PLXNA2: variants seen among roughly 807,000 people sequenced by gnomAD.
PLXNA2 encodes the protein plexin A2, also known as plexin-A2.
In PLXNA2, 91 loss-of-function variants were observed where a neutral mutation model predicts 193.5. That is an observed-to-expected ratio of 0.47 (90% CI 0.40 to 0.56). PLXNA2 has a LOEUF of 0.56. Among genes scored for constraint, PLXNA2 ranks in the 20% least tolerant of loss-of-function variants. The probability of loss-of-function intolerance (pLI) is 0.00; values close to 1 mark genes in which losing one functional copy is unlikely to be tolerated. For synonymous variants in PLXNA2, 997 were observed against 1,027.3 expected (o/e 0.97, Z 0.56); for missense variants, 1,995 against 2,503.2 (o/e 0.80, Z 4.33).
intron 4 of PLXNA2, among the ~76,000 whole-genome samples, chr1:208,113,183 T>G (rs879755027): frequency 6.6e-6 from 1 of 152,150 alleles, no homozygotes; most frequent in Non-Finnish European, 1.5e-5. Context: ...TGCCTGGGAT[T>G]AGCCAGGTCC....
intron 4 of PLXNA2, among the ~76,000 whole-genome samples, chr1:208,121,034 C>T (rs904691363): frequency 6.6e-6 from 1 of 152,148 alleles, no homozygotes; most frequent in Non-Finnish European, 1.5e-5. Flanking sequence ...TCCTTTGTTA[C>T]TCATTCCTTA....
At chr1:208,088,673 T>TA (rs1378009741) in intron 9 of PLXNA2, among the ~76,000 whole-genome samples, 1 of 152,246 alleles carries the variant, frequency 6.6e-6, no homozygotes, top group African/African-American at 2.4e-5. Flanking sequence ...CTCATTACCT[T>TA]AAGAGAGCTT....
chr1:208,229,843 AG>A (rs1260171826), intron 1 of PLXNA2, among the ~76,000 whole-genome samples: 6 of 152,234 alleles, frequency 3.9e-5, no homozygotes, highest in African/African-American at 1.4e-4. Flanking sequence ...GAGTGGGGTG[AG>A]GGAAGTCCCC....
At chr1:208,068,209 TTC>T (rs1225053762) in intron 12 of PLXNA2, among the ~76,000 whole-genome samples, 1 of 152,190 alleles carries the variant, frequency 6.6e-6, no homozygotes, top group Non-Finnish European at 1.5e-5. Flanking sequence ...ATATCCCCAA[TTC>T]TCTGTTAAAA....
intron 3 of PLXNA2, among the ~76,000 whole-genome samples, chr1:208,187,121 T>G (rs530434972): frequency 3.3e-5 from 5 of 152,304 alleles, no homozygotes; most frequent in Admixed American, 3.3e-4. Flanking sequence ...TGAACCAGAA[T>G]TACATGCAGC....
Position 208,035,019 on chromosome 1 carries a change from T to C in PLXNA2, c.4765-427A>G, listed in dbSNP as rs145813689. 2.0e-4 allele frequency among the ~76,000 whole-genome samples: 31 copies of C among 152,358 alleles called. No homozygotes were observed. In the East Asian group the frequency reaches 4.4e-3, roughly 22 times the overall value. On this transcript the variant is annotated intron_variant, in intron 26 of 31. Coordinates refer to ENST00000367033, the MANE Select transcript of PLXNA2 (RefSeq NM_025179.4). ...AATATGTAACATTAATTGATCTTTT[T>C]ATTTTTACCTTTTTAATGTGACTAA...
In PLXNA2 at chr1:208,054,555, C is replaced by A; in HGVS notation, c.2739-17G>T. On this transcript the variant is annotated splice_polypyrimidine_tract_variant and intron_variant, in intron 13 of 31. Coordinates refer to ENST00000367033, the MANE Select transcript of PLXNA2 (RefSeq NM_025179.4). ...CAGACAATCCTGGGGAGAAAGCAAA[C>A]CTTCTGGTGAGGGACTGGGCAAGGG... The A allele has an allele frequency of 6.3e-7, 1 of 1,584,834 alleles. No individual in the cohort carries two copies. Among genetic ancestry groups the A allele is most frequent in the African/African-American group, 1.3e-5 (1 of 74,494 alleles).
At chr1:208,073,960 T>C (rs1221944889) in intron 12 of PLXNA2, among the ~76,000 whole-genome samples, 1 of 152,190 alleles carries the variant, frequency 6.6e-6, no homozygotes, top group Non-Finnish European at 1.5e-5. Context: ...GCTGACACCT[T>C]GATCTTGAAG....
Position 208,082,075 on chromosome 1 carries a change from G to A in PLXNA2, c.2395+337C>T, listed in dbSNP as rs1480191343. Among the ~76,000 whole-genome samples, 1 of 152,164 alleles carries A rather than the reference G, an allele frequency of 6.6e-6. No homozygotes were observed. Among genetic ancestry groups the A allele is most frequent in the Non-Finnish European group, 1.5e-5 (1 of 68,038 alleles). On this transcript the variant is annotated intron_variant, in intron 11 of 31. Transcript: ENST00000367033. The surrounding 1 kb of genome is among the most constrained non-coding windows in gnomAD (Gnocchi z 4.2). ...GGACAGGGGAACAAGAGCCTGACTG[G>A]AAACAATATCTCCATTTCCAGGGAA...
chr1:208,047,709 A>G (rs1447564399), intron 17 of PLXNA2, among the ~76,000 whole-genome samples: 1 of 152,202 alleles, frequency 6.6e-6, no homozygotes, highest in East Asian at 1.9e-4. Context: ...CAACATACAC[A>G]CACACGAGCT....
intron 5 of PLXNA2, among the ~76,000 whole-genome samples, chr1:208,101,646 C>A (rs1667100652): frequency 6.6e-6 from 1 of 152,222 alleles, no homozygotes; most frequent in Non-Finnish European, 1.5e-5. Flanking sequence ...GAGGCCCAGG[C>A]ATTGCTGATA....
chr1:208,071,275 T>C lies in PLXNA2; in HGVS notation c.2586+7985A>G, dbSNP rs540719634. Among the ~76,000 whole-genome samples, 28 of 152,338 alleles carry C rather than the reference T, an allele frequency of 1.8e-4. 2 individuals carry two copies. Among genetic ancestry groups the C allele is most frequent in the African/African-American group, 6.5e-4 (27 of 41,576 alleles). On this transcript the variant is annotated intron_variant, in intron 12 of 31. Transcript: ENST00000367033. ...GTATTAAAAGCTTTTGTGTCTGAGA[T>C]TGGGATTTCAGGAGGGTTCTGCCCT...
rs765403082 is a variant in PLXNA2 at position 208,217,807 on chromosome 1, C to G, written c.116G>C (p.Ser39Thr). 3 of 1,614,176 alleles carry G rather than the reference C, an allele frequency of 1.9e-6. No homozygotes were observed. In the South Asian group the frequency reaches 3.3e-5, roughly 18 times the overall value. ...APPAAGMPQFSTFHSENRDWT... is the reference protein window; with the variant it reads ...APPAAGMPQFTTFHSENRDWT... ...GTCACGATTCTCAGAGTGGAAGGTG[C>G]TGAACTGAGGCATGCCGGCTGCTGG... The change falls in exon 2 of 32, where the codon AGC becomes ACC. Residue 39 changes from serine to threonine, a missense_variant. Around this residue, in one of 3 missense-constraint regions of PLXNA2, gnomAD observed 702 missense variants for 812.9 expected, o/e 0.86. Transcript: ENST00000367033. This position sits in a 1 kb window ranked among gnomAD's most constrained non-coding sequence, Gnocchi z 4.7.
rs573877058 is a variant in PLXNA2 at position 208,228,369 on chromosome 1, G to T, written c.-80-10367C>A. Among the ~76,000 whole-genome samples the T allele has an allele frequency of 4.6e-5, 7 of 152,256 alleles. No individual in the cohort carries two copies. The South Asian group carries it at 1.5e-3, about 32-fold the overall frequency. On this transcript the variant is annotated intron_variant, in intron 1 of 31. Coordinates refer to ENST00000367033, the MANE Select transcript of PLXNA2 (RefSeq NM_025179.4). ...GGTTCCCAAAAGTTCAAAGGGCGGG[G>T]CTCTTCACCAGGAATCCTCGTGCTG... is the stretch of plus-strand genomic sequence containing the variant.
chr1:208,184,873 A>G (rs981212109), intron 3 of PLXNA2, among the ~76,000 whole-genome samples: 15 of 152,322 alleles, frequency 9.8e-5, no homozygotes, highest in Admixed American at 3.9e-4. Context: ...AGATGGTCCC[A>G]GCTAAATAGG....
chr1:208,086,676 C>T (rs960192092), intron 9 of PLXNA2, among the ~76,000 whole-genome samples: 1 of 151,710 alleles, frequency 6.6e-6, no homozygotes, highest in Non-Finnish European at 1.5e-5. Flanking sequence ...ACAGATGGGT[C>T]CCTGTTTAGG....
At chr1:208,064,403 G>A (rs1431013792) in intron 12 of PLXNA2, among the ~76,000 whole-genome samples, 3 of 152,192 alleles carry the variant, frequency 2.0e-5, no homozygotes, top group African/African-American at 7.2e-5. Flanking sequence ...GGCAGGTGTG[G>A]TCTTTCTGGT....
rs369428409 is a variant in PLXNA2 at position 208,190,928 on chromosome 1, C to G, written c.1371+19352G>C. ...GAGTACAGTCTACTCAGTCCTGGACCCCAGAAGGTTGATGGAATCCTCTGT... is the reference window on the plus strand; with the variant it reads ...GAGTACAGTCTACTCAGTCCTGGACGCCAGAAGGTTGATGGAATCCTCTGT... On this transcript the variant is annotated intron_variant, in intron 3 of 31. Coordinates refer to ENST00000367033, the MANE Select transcript of PLXNA2 (RefSeq NM_025179.4). Among the ~76,000 whole-genome samples, 20 of 152,228 alleles carry G rather than the reference C, an allele frequency of 1.3e-4. No homozygotes were observed. The South Asian group carries it at 3.1e-3, about 24-fold the overall frequency.
intron 8 of PLXNA2, among the ~76,000 whole-genome samples, chr1:208,095,582 C>T (rs1666854716): frequency 6.6e-6 from 1 of 152,188 alleles, no homozygotes; most frequent in Non-Finnish European, 1.5e-5. Context: ...TTTCCCCCTT[C>T]CCTGCTCCTC....
Sources: gnomAD v4.1 joint callset for allele counts (sites outside exome capture counted in the v4.1 genomes callset) on GRCh38, gnomAD v4.1.1 for gene constraint, gnomAD v4.1.1 regional missense constraint, Gnocchi (gnomAD v3.1) non-coding constraint, MANE v1.5 for transcripts, NCBI Gene and HGNC (gene_info 2026-07-23, HGNC 2026-07-21) for gene names.